The following ITGA8 variants were observed in gnomAD, a reference collection of about 807,000 sequenced individuals.
ITGA8 encodes integrin subunit alpha 8, also known as integrin alpha-8.
Under a neutral mutation model 142.3 loss-of-function variants are expected in ITGA8, and 91 were observed. That is an observed-to-expected ratio of 0.64 (90% CI 0.54 to 0.76). The LOEUF is 0.76. Ranked by LOEUF, ITGA8 falls within the 30% of genes least tolerant of loss-of-function variation. The pLI is 0.00. For synonymous variants in ITGA8, 505 were observed against 485.2 expected, an observed-to-expected ratio of 1.04 and a Z score of -0.54; for missense variants, 1,406 against 1,327.7, an observed-to-expected ratio of 1.06 and a Z score of -0.92.
At chr10:15,657,510 A>ATTTTTTTTTTTT (rs34510305) in intron 10 of ITGA8, among the ~76,000 whole-genome samples, 2 of 132,490 alleles carry the variant, frequency 1.5e-5, no homozygotes, top group African/African-American at 5.7e-5. Context: ...CTTTTCTTTC[A>ATTTTTTTTTTTT]TTTTTTTTTT....
intron 27 of ITGA8, among the ~76,000 whole-genome samples, chr10:15,534,546 C>T (rs1216895464): frequency 1.3e-5 from 2 of 152,180 alleles, no homozygotes; most frequent in Middle Eastern, 3.2e-3. Flanking sequence ...GGTCATTTGA[C>T]GACCCTCCCA....
At chr10:15,583,358 C>G (rs1260172555) in intron 23 of ITGA8, among the ~76,000 whole-genome samples, 3 of 151,908 alleles carry the variant, frequency 2.0e-5, no homozygotes, top group African/African-American at 7.3e-5. Flanking sequence ...ACAGCGGGGC[C>G]TACTGGGGGA....
chr10:15,523,029 A>T (rs1564334646), intron 28 of ITGA8, among the ~76,000 whole-genome samples: 2 of 151,232 alleles, frequency 1.3e-5, no homozygotes, highest in Non-Finnish European at 2.9e-5. Flanking sequence ...AAAAAAAAAA[A>T]TTATTATCTT....
chr10:15,715,339 G>A (rs1471742070), intron 2 of ITGA8, among the ~76,000 whole-genome samples: 14 of 152,082 alleles, frequency 9.2e-5, no homozygotes, highest in Non-Finnish European at 1.3e-4. Context: ...GCTGGAGTAG[G>A]GGAATGGAGG....
At chr10:15,604,457 G>GCAAGAAAAGAAAAATGGCAAGTT in intron 19 of ITGA8, 102 bp from the exon 20 acceptor site, 3 of 896,282 alleles carry the variant, frequency 3.3e-6, no homozygotes, top group Non-Finnish European at 4.8e-6. Flanking sequence ...AATGGCAAGT[G>GCAAGAAAAGAAAAATGGCAAGTT]CAAAAAAAGA....
At chr10:15,545,128 G>A (rs1235699029) in intron 27 of ITGA8, among the ~76,000 whole-genome samples, 3 of 152,170 alleles carry the variant, frequency 2.0e-5, no homozygotes, top group Non-Finnish European at 4.4e-5. Context: ...GGGGAAATTT[G>A]TTATGCACCA....
intron 6 of ITGA8, among the ~76,000 whole-genome samples, chr10:15,675,870 CTA>C (rs761465112): frequency 9.2e-5 from 14 of 152,252 alleles, no homozygotes; most frequent in Non-Finnish European, 1.8e-4. Flanking sequence ...TTTTAAATTT[CTA>C]TGTCTCAGAC....
chr10:15,711,882 A>C (rs1835370495), intron 2 of ITGA8, among the ~76,000 whole-genome samples: 2 of 152,180 alleles, frequency 1.3e-5, no homozygotes, highest in South Asian at 4.1e-4. Context: ...CACAGACCTA[A>C]ACTCTGGCCT....
intron 20 of ITGA8, among the ~76,000 whole-genome samples, chr10:15,598,265 A>G (rs1350627852): frequency 6.6e-6 from 1 of 152,176 alleles, no homozygotes; most frequent in Non-Finnish European, 1.5e-5. Context: ...TGTCCCTGTG[A>G]TAGGTTCGGA....
chr10:15,683,638 C>G (rs1166729738), intron 4 of ITGA8, among the ~76,000 whole-genome samples: 1 of 152,230 alleles, frequency 6.6e-6, no homozygotes, highest in East Asian at 1.9e-4. Context: ...CCAGGTCCAA[C>G]CATGCTAGCT....
chr10:15,612,895 C>T (rs1833323913), intron 15 of ITGA8, among the ~76,000 whole-genome samples: 1 of 152,102 alleles, frequency 6.6e-6, no homozygotes, highest in Non-Finnish European at 1.5e-5. Flanking sequence ...GCATGGTGGC[C>T]CACGCCTGTA....
At chr10:15,538,522 A>AAAAAAC (rs1364220751) in intron 27 of ITGA8, among the ~76,000 whole-genome samples, 2 of 150,796 alleles carry the variant, frequency 1.3e-5, no homozygotes, top group Non-Finnish European at 2.9e-5. Context: ...GAAAAAAAAA[A>AAAAAAC]AAAAAAAAAC....
At chr10:15,531,247 A>C in intron 27 of ITGA8, 96 bp from the exon 28 acceptor site, 2 of 606,326 alleles carry the variant, frequency 3.3e-6, no homozygotes, top group Non-Finnish European at 5.2e-6. Context: ...TTGCATTTCA[A>C]GGCAAAATTT....
At chr10:15,533,027 G>T (rs949030372) in intron 27 of ITGA8, among the ~76,000 whole-genome samples, 6 of 152,124 alleles carry the variant, frequency 3.9e-5, no homozygotes, top group Admixed American at 3.9e-4. Context: ...AGTGGCAAAT[G>T]TTACGGATCG....
At chr10:15,532,682 G>A (rs1050885696) in intron 27 of ITGA8, among the ~76,000 whole-genome samples, 10 of 152,034 alleles carry the variant, frequency 6.6e-5, no homozygotes, top group African/African-American at 1.4e-4. Context: ...ACAATGGTTC[G>A]ATCTACCCAG....
At chr10:15,630,803 A>C (rs1456822587) in intron 13 of ITGA8, among the ~76,000 whole-genome samples, 1 of 152,022 alleles carries the variant, frequency 6.6e-6, no homozygotes, top group Non-Finnish European at 1.5e-5. Context: ...CAACTAATTC[A>C]TACTCCATTC....
chr10:15,597,270 C>T lies in ITGA8; in HGVS notation c.2148G>A (p.Lys716=), dbSNP rs371100444. 11 of 1,613,970 alleles carry T rather than the reference C, an allele frequency of 6.8e-6. No homozygotes were observed. Among genetic ancestry groups the T allele is most frequent in the South Asian group, 2.2e-5 (2 of 91,082 alleles). ...KGFRPLSCEY[K]MENVTRMVVC... ...CCACCATCCTGGTTACATTTTCCAT[C>T]TTGTACTCACAGCTCAGTGGTCGAA... is the stretch of plus-strand genomic sequence containing the variant. The change falls in exon 21 of 30, where the codon AAG becomes AAA. Residue 716 remains lysine (K), a synonymous_variant. Coordinates refer to ENST00000378076, the MANE Select transcript of ITGA8 (RefSeq NM_003638.3).
At chr10:15,607,970 G>C in intron 16 of ITGA8, 139 bp from the exon 17 acceptor site, 1 of 729,918 alleles carries the variant, frequency 1.4e-6, no homozygotes. Context: ...AAATGAGCTG[G>C]AAAAATTGTA....
chr10:15,515,149 T>C lies in ITGA8; in HGVS notation c.*2009A>G, dbSNP rs980338782. The C allele has an allele frequency of 1.3e-5, 2 of 152,204 alleles. No homozygotes were observed. The highest frequency in any genetic ancestry group is 4.8e-5 in the African/African-American group (2 of 41,442). 9.4% of individuals were successfully genotyped at this position (152,204 alleles called of 1,614,324 possible). ...TGGGGTCAGAGAGAGCTGTCTGGCA[T>C]CGCTCACATCACATCCTGTAGATGG... On this transcript the variant is annotated 3_prime_UTR_variant, in exon 30 of 30. Coordinates refer to ENST00000378076, the MANE Select transcript of ITGA8 (RefSeq NM_003638.3).
Sources: gnomAD v4.1 joint callset for allele counts (sites outside exome capture counted in the v4.1 genomes callset) on GRCh38, gnomAD v4.1.1 for gene constraint, MANE v1.5 for transcripts, NCBI Gene and HGNC (gene_info 2026-07-23, HGNC 2026-07-21) for gene names.